The following DMKN variants were observed in gnomAD, a reference collection of about 807,000 sequenced individuals.
DMKN encodes the protein epidermis-specific secreted protein SK30/SK89.
Under a neutral mutation model 67.6 loss-of-function variants are expected in DMKN, and 58 were observed. The observed-to-expected ratio is 0.86, with a 90% confidence interval of 0.69 to 1.07. DMKN has a LOEUF of 1.07. Ranked by LOEUF, DMKN falls within the 50% of genes least tolerant of loss-of-function variation. The pLI is 0.00. For missense variants in DMKN, 596 were observed against 601.5 expected (o/e 0.99, Z 0.10); for synonymous variants, 240 against 232.3 (o/e 1.03, Z -0.30).
intron 7 of DMKN, chr19:35,506,234 A>G (rs1269241818): frequency 2.7e-6 from 4 of 1,456,200 alleles, no homozygotes; most frequent in Non-Finnish European, 2.7e-6. Flanking sequence ...GCTTCCTATC[A>G]TGCCTGCCAC....
intron 11 of DMKN, chr19:35,501,699 C>G: frequency 9.8e-7 from 1 of 1,024,086 alleles, no homozygotes; most frequent in Non-Finnish European, 1.4e-6. Flanking sequence ...CTCCACTAGA[C>G]AGGGACCTGA....
rs894308878 is a variant in DMKN, at chr19:35,503,189, T to C, written c.1135-303A>G. Reference sequence around the variant, plus strand: ...CTAGGACCTGCCTCAGAGTGTCCCCTTTCCACCTGCCGGGCCTCCTCCAGC... The same window carrying C: ...CTAGGACCTGCCTCAGAGTGTCCCCCTTCCACCTGCCGGGCCTCCTCCAGC... On this transcript the variant is annotated intron_variant, in intron 9 of 15. Transcript: ENST00000339686. The C allele has an allele frequency of 3.6e-6, 5 of 1,398,018 alleles. No homozygotes were observed. In the African/African-American group the frequency reaches 5.8e-5, roughly 16 times the overall value. 86.6% of individuals were successfully genotyped at this position (1,398,018 alleles called of 1,614,324 possible).
At chr19:35,512,342 T>A (rs1196839338) in intron 3 of DMKN, 79 bp downstream of exon 3, 1 of 1,557,320 alleles carries the variant, frequency 6.4e-7, no homozygotes, top group Non-Finnish European at 8.7e-7. Flanking sequence ...CCCATCTTGC[T>A]TTCCTCTTTG....
chr19:35,497,721 C>T (rs1390890464), intron 15 of DMKN, 183 bp from the exon 16 acceptor site: 1 of 152,504 alleles, frequency 6.6e-6, no homozygotes, highest in Non-Finnish European at 1.5e-5. Flanking sequence ...CAAGCTATCA[C>T]CTCTCGCCCA....
chr19:35,504,565 G>A (rs1165258871), intron 9 of DMKN, among the ~76,000 whole-genome samples: 1 of 131,972 alleles, frequency 7.6e-6, no homozygotes, highest in African/African-American at 3.1e-5. Context: ...GTGACAGAGC[G>A]AGACTCCGTC....
intron 11 of DMKN, chr19:35,501,758 G>A (rs1304856296): frequency 4.3e-5 from 63 of 1,461,592 alleles, no homozygotes; most frequent in African/African-American, 1.6e-4. Flanking sequence ...TCCCCATGCC[G>A]CAGCCTAGGC....
At chr19:35,502,079 G>A in intron 11 of DMKN, 57 bp downstream of exon 11, 5 of 1,611,136 alleles carry the variant, frequency 3.1e-6, no homozygotes, top group Non-Finnish European at 3.4e-6. Context: ...TGGGTCAGCG[G>A]CTCGCCCAGG....
rs114875083 is a variant in DMKN at position 35,500,722 on chromosome 19, G to T, written c.1240-142C>A. 1,147 of 921,000 alleles carry T rather than the reference G, an allele frequency of 1.2e-3. 4 individuals are homozygous for T. In the African/African-American group the frequency reaches 0.018, roughly 14 times the overall value. 57.1% of individuals were successfully genotyped at this position (921,000 alleles called of 1,614,324 possible). ...GGCAGTGAGCCTGGAGGAGCTGATG[G>T]CCCAGATAGATAGAAGACAGATATC... On this transcript the variant is annotated intron_variant, in intron 11 of 15. Coordinates refer to ENST00000339686, the MANE Select transcript of DMKN (RefSeq NM_033317.5).
Position 35,513,373 on chromosome 19 carries a change from T to A in DMKN, c.103A>T (p.Ile35Phe). ...QSGEESTGTNIGEALGHGLGD... is the reference protein window; with the variant it reads ...QSGEESTGTNFGEALGHGLGD... The stretch of plus-strand genomic sequence containing the variant: ...AGGCCATGTCCAAGGGCCTCCCCAA[T>A]ATTTGTCCCAGTGCTTTCCTCTCCG... The change falls in exon 1 of 16, where the codon ATT (isoleucine) becomes TTT (phenylalanine). Residue 35 changes from isoleucine to phenylalanine, a missense_variant. Coordinates refer to ENST00000339686, the MANE Select transcript of DMKN (RefSeq NM_033317.5). 3 of 1,612,758 alleles carry A rather than the reference T, an allele frequency of 1.9e-6. No homozygotes were observed. The highest frequency in any genetic ancestry group is 2.5e-6 in the Non-Finnish European group (3 of 1,180,002).
chr19:35,502,230 G>A (rs543498849), intron 10 of DMKN, 47 bp from the exon 11 acceptor site: 248 of 1,606,782 alleles, frequency 1.5e-4, no homozygotes, highest in South Asian at 9.5e-4. Context: ...CAGAACCCAC[G>A]GGGTGGTCTA....
Position 35,510,271 on chromosome 19 carries a change from T to C in DMKN, c.919-19A>G, listed in dbSNP as rs375680918. The C allele has an allele frequency of 6.3e-6, 10 of 1,592,374 alleles. No individual in the cohort carries two copies. Among genetic ancestry groups the C allele is most frequent in the Non-Finnish European group, 8.6e-6 (10 of 1,169,140 alleles). On this transcript the variant is annotated intron_variant, in intron 5 of 15. Coordinates refer to ENST00000339686, the MANE Select transcript of DMKN (RefSeq NM_033317.5). ...TGGATCCCTGCAGGGGAAAGCAAGA[T>C]TTCAAACGCTGTCCTAAAGGACCTA...
At chr19:35,505,576 A>AC in intron 9 of DMKN, 142 bp downstream of exon 9, 1 of 1,034,604 alleles carries the variant, frequency 9.7e-7, no homozygotes, top group Non-Finnish European at 1.4e-6. Context: ...TCCCTCCTCC[A>AC]CCCCCAGTGT....
rs562901157 is a variant in DMKN, at chr19:35,512,980, C to T, written c.426+70G>A. 9.9e-5 allele frequency: 157 copies of T among 1,587,984 alleles called. No homozygotes were observed. The Admixed American group carries it at 2.3e-3, about 23-fold the overall frequency. ...TAAGAGATCCATCCATCCTTTCAAC[C>T]GTTTCCCAAGAATCTCAGCCCAGCA... On this transcript the variant is annotated intron_variant, in intron 1 of 15. Coordinates refer to ENST00000339686, the MANE Select transcript of DMKN (RefSeq NM_033317.5).
chr19:35,508,914 G>C (rs779369614), intron 7 of DMKN, among the ~76,000 whole-genome samples: 1 of 152,038 alleles, frequency 6.6e-6, no homozygotes, highest in Non-Finnish European at 1.5e-5. Context: ...TAAAACTGAG[G>C]TATATTAAAA....
Position 35,506,002 on chromosome 19 carries a change from G to T in DMKN, c.1039-16C>A, listed in dbSNP as rs1374135755. On this transcript the variant is annotated splice_polypyrimidine_tract_variant and intron_variant, in intron 7 of 15. Transcript: ENST00000339686. ...TCTCAGAGTTCTATGGAACCAAGGAGATATGGGATGAGAGAAGAACCCACT... is the reference window on the plus strand; with the variant it reads ...TCTCAGAGTTCTATGGAACCAAGGATATATGGGATGAGAGAAGAACCCACT... The T allele has an allele frequency of 2.5e-6, 4 of 1,614,078 alleles. No homozygotes were observed. Among genetic ancestry groups the T allele is most frequent in the Admixed American group, 1.7e-5 (1 of 60,014 alleles).
At chr19:35,512,391 C>G in intron 3 of DMKN, 30 bp downstream of exon 3, 1 of 1,611,492 alleles carries the variant, frequency 6.2e-7, no homozygotes, top group East Asian at 2.2e-5. Flanking sequence ...CCAGTGGCTT[C>G]TTCATTTGTT....
rs190944198 is a variant in DMKN, at chr19:35,497,706, C to T, written c.*1-168G>A. On this transcript the variant is annotated intron_variant, in intron 15 of 15. Coordinates refer to ENST00000339686, the MANE Select transcript of DMKN (RefSeq NM_033317.5). ...CCTAAAACAGAGTTTGTGGTTCTGC[C>T]GAGCCAAGCTATCACCTCTCGCCCA... The T allele has an allele frequency of 2.6e-5, 4 of 152,446 alleles. No homozygotes were observed. The East Asian group carries it at 5.8e-4, about 22-fold the overall frequency. 9.4% of individuals were successfully genotyped at this position (152,446 alleles called of 1,614,324 possible).
At chr19:35,500,393 T>C in intron 12 of DMKN, 140 bp downstream of exon 12, 1 of 1,551,828 alleles carries the variant, frequency 6.4e-7, no homozygotes, top group Non-Finnish European at 8.7e-7. Flanking sequence ...AAGTTACAGC[T>C]GCCACCTCCT....
At position 35,511,498 on chromosome 19, in the gene DMKN, G is replaced by GCTGCTGCCACTGCTGCCACCA; in HGVS notation, c.830_831insTGGTGGCAGCAGTGGCAGCAG (p.Ser277_Ser278insGlyGlySerSerGlySerSer). 1 of 1,080,062 alleles carries GCTGCTGCCACTGCTGCCACCA rather than the reference G, an allele frequency of 9.3e-7. No homozygotes were observed. The highest frequency in any genetic ancestry group is 1.9e-5 in the African/African-American group (1 of 51,694). The allele number at this position is 1,080,062 out of a possible 1,614,324, so 66.9% of individuals were successfully genotyped here. A position where few individuals can be genotyped will look rare whatever the true frequency, so the allele number is the denominator to read the frequency against. On this transcript the variant is annotated inframe_insertion, in exon 5 of 16. Coordinates refer to ENST00000339686, the MANE Select transcript of DMKN (RefSeq NM_033317.5). ...TGCTGCCGCCACTGCTGCCGCCACT[G>GCTGCTGCCACTGCTGCCACCA]CTGCTGCCACTGCTGCTGCCACCAC...
Sources: gnomAD v4.1 joint callset for allele counts (sites outside exome capture counted in the v4.1 genomes callset) on GRCh38, gnomAD v4.1.1 for gene constraint, MANE v1.5 for transcripts, NCBI Gene and HGNC (gene_info 2026-07-23, HGNC 2026-07-21) for gene names.